FYTTD1: variants seen among roughly 807,000 people sequenced by gnomAD.
FYTTD1 encodes UAP56-interacting factor.
In FYTTD1, 22 loss-of-function variants were observed where a neutral mutation model predicts 40.9. That is an observed-to-expected ratio of 0.54 (90% confidence interval 0.38 to 0.77). The LOEUF is 0.77. Among genes scored for constraint, FYTTD1 ranks in the 30% least tolerant of loss-of-function variants. The pLI is 0.00. For missense variants in FYTTD1, 351 were observed against 392.2 expected, an observed-to-expected ratio of 0.90 and a Z score of 0.89; for synonymous variants, 140 against 137.9, an observed-to-expected ratio of 1.01 and a Z score of -0.10.
chr3:197,770,063 A>T, intron 3 of FYTTD1, 69 bp from the exon 4 acceptor site: 1 of 867,132 alleles, frequency 1.2e-6, no homozygotes, highest in Non-Finnish European at 1.8e-6. Flanking sequence ...TCTGCATCTG[A>T]AATGTTTATT....
chr3:197,768,778 ATAAG>A (rs1729624751), intron 3 of FYTTD1, among the ~76,000 whole-genome samples, 191 bp downstream of exon 3: 1 of 152,192 alleles, frequency 6.6e-6, no homozygotes, highest in South Asian at 2.1e-4. Context: ...ATTCTCAAAT[ATAAG>A]TAAGTTGTTT....
In FYTTD1 at chr3:197,774,608, G is replaced by T. The variant is rs566359376; in HGVS notation, c.656+398G>T. 1.9e-3 allele frequency among the ~76,000 whole-genome samples: 284 copies of T among 146,638 alleles called. 1 individual carries two copies. Among genetic ancestry groups the T allele is most frequent in the African/African-American group, 6.9e-3 (269 of 39,214 alleles). On this transcript the variant is annotated intron_variant, in intron 6 of 8. Transcript: ENST00000241502. ...ATAGCTCGATGACCAGTGCACACCA[G>T]CCTGAGCAGCATAGCTCGATGACCA...
rs950406918 is a variant in FYTTD1 at position 197,752,946 on chromosome 3, G to T, written c.103+2872G>T. 2.0e-5 allele frequency among the ~76,000 whole-genome samples: 3 copies of T among 152,052 alleles called. No homozygotes were observed. The South Asian group carries it at 6.2e-4, about 32-fold the overall frequency. ...GATTTCTTACGTTTCTAGGTTTTCT[G>T]TTTTCTTTTTTGTATGTGTTTTGTT... is the stretch of plus-strand genomic sequence containing the variant. On this transcript the variant is annotated intron_variant, in intron 1 of 8. Coordinates refer to ENST00000241502, the MANE Select transcript of FYTTD1 (RefSeq NM_032288.7).
intron 2 of FYTTD1, among the ~76,000 whole-genome samples, chr3:197,768,013 T>C (rs1729601603): frequency 2.0e-5 from 3 of 152,252 alleles, no homozygotes; most frequent in Admixed American, 6.5e-5. Flanking sequence ...GCCCAATATC[T>C]TTAAAATATT....
chr3:197,750,062 GAT>G lies in FYTTD1; in HGVS notation c.94_95del (p.Met32ValfsTer4), dbSNP rs750541611. 6 of 1,579,754 alleles carry G rather than the reference GAT, an allele frequency of 3.8e-6. No homozygotes were observed. Among genetic ancestry groups the G allele is most frequent in the Non-Finnish European group, 5.2e-6 (6 of 1,164,478 alleles). On this transcript the variant is annotated frameshift_variant, in exon 1 of 9. Transcript: ENST00000241502. LOFTEE classifies it high-confidence loss of function. ...CAGCAATGAAAACCTCGACAAAATA[GAT>G]ATGTCTTTGGGTGAGGGGCCGAGTT... ...ARSNENLDKI[D>X]MSLDDIIKLN...
At position 197,771,114 on chromosome 3, in the gene FYTTD1, C is replaced by A. The variant is rs568801740; in HGVS notation, c.497+870C>A. Among the ~76,000 whole-genome samples the A allele has an allele frequency of 4.6e-5, 7 of 152,038 alleles. 1 individual carries two copies. In the South Asian group the frequency reaches 1.5e-3, roughly 32 times the overall value. Reference sequence around the variant, plus strand: ...ATGTGCCTGTGGTCCCAGCTACTTACGAGGCTGAGGCAGGAGGATCACATG... The same window carrying A: ...ATGTGCCTGTGGTCCCAGCTACTTAAGAGGCTGAGGCAGGAGGATCACATG... On this transcript the variant is annotated intron_variant, in intron 4 of 8. Transcript: ENST00000241502.
At chr3:197,776,468 C>T (rs1394819019) in intron 6 of FYTTD1, among the ~76,000 whole-genome samples, 1 of 150,038 alleles carries the variant, frequency 6.7e-6, no homozygotes, top group Non-Finnish European at 1.5e-5. Flanking sequence ...CATGATCCAC[C>T]TGCCTCTGCC....
At chr3:197,776,364 C>A (rs2109053367) in intron 6 of FYTTD1, among the ~76,000 whole-genome samples, 1 of 151,312 alleles carries the variant, frequency 6.6e-6, no homozygotes, top group South Asian at 2.1e-4. Flanking sequence ...ACCACCACAC[C>A]CCACGCCCAG....
chr3:197,778,708 G>C (rs367877391), intron 8 of FYTTD1, among the ~76,000 whole-genome samples: 10 of 152,220 alleles, frequency 6.6e-5, no homozygotes, highest in African/African-American at 2.4e-4. Flanking sequence ...CATCTATATT[G>C]TATGCGTGTT....
rs1560503060 is a variant in FYTTD1, at chr3:197,783,236, T to G, written c.*1327T>G. Reference sequence around the variant, plus strand: ...GCAGCAAAATCTTCCAGCTGTACGTTACAAGTTTGGTCATTTTGAAGCTTG... The same window carrying G: ...GCAGCAAAATCTTCCAGCTGTACGTGACAAGTTTGGTCATTTTGAAGCTTG... On this transcript the variant is annotated 3_prime_UTR_variant, in exon 9 of 9. Transcript: ENST00000241502. 6.5e-6 allele frequency: 1 copy of G among 152,674 alleles called. No individual in the cohort carries two copies. Among genetic ancestry groups the G allele is most frequent in the South Asian group, 2.1e-4 (1 of 4,834 alleles). The allele number at this position is 152,674 out of a possible 1,614,324, so 9.5% of individuals were successfully genotyped here.
intron 2 of FYTTD1, among the ~76,000 whole-genome samples, chr3:197,761,773 G>A (rs1243707543): frequency 6.6e-6 from 1 of 152,340 alleles, no homozygotes; most frequent in South Asian, 2.1e-4. Flanking sequence ...GGAATGTACA[G>A]TAGCCTTTTC....
At chr3:197,751,940 C>T (rs757621070) in intron 1 of FYTTD1, among the ~76,000 whole-genome samples, 1 of 150,836 alleles carries the variant, frequency 6.6e-6, no homozygotes, top group Non-Finnish European at 1.5e-5. Context: ...GGTGTGATCT[C>T]GGGTCGCTGC....
chr3:197,760,464 C>G (rs62283411), intron 2 of FYTTD1, among the ~76,000 whole-genome samples: 128,757 of 150,304 alleles, frequency 0.86, 55,017 homozygotes, highest in East Asian at 0.99. Context: ...GGGGTCTTCA[C>G]GGGTAGAATG....
At chr3:197,759,620 G>A (rs1172598279) in intron 2 of FYTTD1, among the ~76,000 whole-genome samples, 1 of 151,462 alleles carries the variant, frequency 6.6e-6, no homozygotes, top group African/African-American at 2.4e-5. Context: ...AGAACGTATA[G>A]AGTTGTTCTT....
chr3:197,758,196 G>A (rs1242610719), intron 2 of FYTTD1, among the ~76,000 whole-genome samples: 1 of 152,232 alleles, frequency 6.6e-6, no homozygotes, highest in Non-Finnish European at 1.5e-5. Context: ...GATTACAGGC[G>A]TGAGCCACTG....
rs373199162 is a variant in FYTTD1, at chr3:197,750,028, G to T, written c.57G>T (p.Pro19=). Residue 19 remains proline (P), a synonymous_variant, in exon 1 of 9, where the codon CCG becomes CCT. Transcript: ENST00000241502. ...VGATATSSPP[P]KARSNENLDK... is the part of the protein sequence containing the mutation. Reference sequence around the variant, plus strand: ...CCACGGCGACTTCTTCGCCGCCGCCGAAGGCCCGCAGCAATGAAAACCTCG... The same window carrying T: ...CCACGGCGACTTCTTCGCCGCCGCCTAAGGCCCGCAGCAATGAAAACCTCG... The T allele has an allele frequency of 1.5e-5, 23 of 1,583,048 alleles. No individual in the cohort carries two copies. Among genetic ancestry groups the T allele is most frequent in the Non-Finnish European group, 1.9e-5 (22 of 1,166,294 alleles).
chr3:197,769,366 G>A (rs373267290), intron 3 of FYTTD1, among the ~76,000 whole-genome samples: 3 of 152,350 alleles, frequency 2.0e-5, no homozygotes, highest in Non-Finnish European at 2.9e-5. Flanking sequence ...GATTAAAGGC[G>A]TAAGCCACGG....
chr3:197,769,621 C>G (rs770097935), intron 3 of FYTTD1, among the ~76,000 whole-genome samples: 1 of 152,098 alleles, frequency 6.6e-6, no homozygotes, highest in African/African-American at 2.4e-5. Flanking sequence ...TGATACTTTT[C>G]GCCTCTAACC....
chr3:197,752,994 A>T (rs1177384052), intron 1 of FYTTD1, among the ~76,000 whole-genome samples: 1 of 152,142 alleles, frequency 6.6e-6, no homozygotes, highest in Non-Finnish European at 1.5e-5. Flanking sequence ...CGTTCAAGTG[A>T]AGAAAACTGA....
Sources: gnomAD v4.1 joint callset for allele counts (sites outside exome capture counted in the v4.1 genomes callset) on GRCh38, gnomAD v4.1.1 for gene constraint, MANE v1.5 for transcripts, NCBI Gene and HGNC (gene_info 2026-07-23, HGNC 2026-07-21) for gene names.